DLG2: variants seen among roughly 807,000 people sequenced by gnomAD.
The protein encoded by DLG2 is disks large homolog 2.
Under a neutral mutation model 132.5 loss-of-function variants are expected in DLG2, and 45 were observed. The observed-to-expected ratio is 0.34, with a 90% CI of 0.27 to 0.44. The LOEUF is 0.44. Ranked by LOEUF, DLG2 falls within the 20% of genes least tolerant of loss-of-function variation. The pLI is 1.00. For missense variants in DLG2, 1,045 were observed against 1,196.9 expected, an observed-to-expected ratio of 0.87 and a Z score of 1.87; for synonymous variants, 424 against 419.6, an observed-to-expected ratio of 1.01 and a Z score of -0.13.
rs1051167626 is a variant in DLG2 at position 85,560,596 on chromosome 11, G to C, written c.40+38061C>G. 5.9e-5 allele frequency among the ~76,000 whole-genome samples: 9 copies of C among 151,972 alleles called. No individual in the cohort carries two copies. The East Asian group carries it at 1.5e-3, about 26-fold the overall frequency. ...GGGCTGGAAGTGAGGATCTTTTTAT[G>C]ATGATGGGAATGCTCTAAAACCAGA... On this transcript the variant is annotated intron_variant, in intron 3 of 27. Transcript: ENST00000376104.
At chr11:85,419,899 T>A (rs573476446) in intron 3 of DLG2, among the ~76,000 whole-genome samples, 3 of 152,274 alleles carry the variant, frequency 2.0e-5, no homozygotes, top group African/African-American at 7.2e-5. Flanking sequence ...CTAGGAGGAG[T>A]TTGTTATTAC....
In DLG2 at chr11:83,497,534, C is replaced by CA. The variant is rs201552213; in HGVS notation, c.2194-13307dup. 1.9e-3 allele frequency among the ~76,000 whole-genome samples: 157 copies of CA among 84,238 alleles called. 2 individuals are homozygous for CA. Among genetic ancestry groups the CA allele is most frequent in the South Asian group, 0.016 (43 of 2,632 alleles). 55.3% of individuals were successfully genotyped at this position (84,238 alleles called of 152,430 possible). On this transcript the variant is annotated intron_variant, in intron 21 of 27. Coordinates refer to ENST00000376104, the MANE Select transcript of DLG2 (RefSeq NM_001142699.3). The stretch of plus-strand genomic sequence containing the variant: ...TGGGCAACACAGAGAGACTTCGTCT[C>CA]AAAAACAAAAAACAAAAAACAAAAA...
chr11:85,197,795 C>T (rs747373204), intron 4 of DLG2, among the ~76,000 whole-genome samples: 3 of 152,128 alleles, frequency 2.0e-5, no homozygotes, highest in Non-Finnish European at 4.4e-5. Context: ...ATAAAGGATA[C>T]ATCCCTGGAC....
intron 15 of DLG2, among the ~76,000 whole-genome samples, chr11:83,881,796 T>C (rs1283642081): frequency 6.6e-6 from 1 of 152,240 alleles, no homozygotes; most frequent in Non-Finnish European, 1.5e-5. Flanking sequence ...TTCTTAAATC[T>C]GTTTATTCTT....
chr11:85,417,840 T>G (rs2089991858), intron 3 of DLG2, among the ~76,000 whole-genome samples: 1 of 152,192 alleles, frequency 6.6e-6, no homozygotes, highest in Admixed American at 6.5e-5. Context: ...CTTTTCTTCT[T>G]TATTAGTCTG....
chr11:85,141,062 C>A (rs1366762434), intron 5 of DLG2, among the ~76,000 whole-genome samples: 1 of 151,658 alleles, frequency 6.6e-6, no homozygotes, highest in Non-Finnish European at 1.5e-5. Flanking sequence ...ATGCTGATTT[C>A]TTTTCTTCTG....
At chr11:83,884,205 C>G (rs987536415) in intron 15 of DLG2, among the ~76,000 whole-genome samples, 1 of 152,178 alleles carries the variant, frequency 6.6e-6, no homozygotes, top group African/African-American at 2.4e-5. Context: ...AAAGGGGTGA[C>G]AGATGGCACC....
chr11:83,466,055 A>G (rs1565329125), intron 26 of DLG2, among the ~76,000 whole-genome samples: 3 of 152,234 alleles, frequency 2.0e-5, no homozygotes, highest in Non-Finnish European at 4.4e-5. Context: ...GGAAAAAAAA[A>G]GAAAAAACCC....
At position 83,467,771 on chromosome 11, in the gene DLG2, G is replaced by GTATATATATATA. The variant is rs1192401405; in HGVS notation, c.2620-966_2620-955dup. 9.2e-4 allele frequency among the ~76,000 whole-genome samples: 78 copies of GTATATATATATA among 85,008 alleles called. 1 individual carries two copies. The highest frequency in any genetic ancestry group is 2.3e-3 in the East Asian group (6 of 2,590). The allele number at this position is 85,008 out of a possible 152,430, so 55.8% of individuals were successfully genotyped here. A position where few individuals can be genotyped will look rare whatever the true frequency, so the allele number is the denominator to read the frequency against. On this transcript the variant is annotated intron_variant, in intron 25 of 27. Transcript: ENST00000376104. ...ATCTCAAAAAAAATAAAAACTATAT[G>GTATATATATATA]TATATATATATATATATATATATAT...
intron 6 of DLG2, among the ~76,000 whole-genome samples, chr11:84,895,229 TA>T (rs1228149011): frequency 6.6e-6 from 1 of 151,982 alleles, no homozygotes; most frequent in Non-Finnish European, 1.5e-5. Flanking sequence ...AATAAGGTTG[TA>T]AAAAATAAAT....
At chr11:84,440,285 G>A (rs1209438818) in intron 7 of DLG2, among the ~76,000 whole-genome samples, 1 of 152,178 alleles carries the variant, frequency 6.6e-6, no homozygotes, top group Non-Finnish European at 1.5e-5. Flanking sequence ...TTCATGTTAT[G>A]CAAATGCTCA....
chr11:83,712,854 G>C (rs186001074), intron 18 of DLG2, among the ~76,000 whole-genome samples: 1 of 152,016 alleles, frequency 6.6e-6, no homozygotes, highest in South Asian at 2.1e-4. Flanking sequence ...ATAGCTAATG[G>C]ATGCTAGGCT....
intron 4 of DLG2, among the ~76,000 whole-genome samples, chr11:85,171,530 G>T (rs1370055975): frequency 6.6e-6 from 1 of 152,168 alleles, no homozygotes; most frequent in Admixed American, 6.5e-5. Flanking sequence ...GTATAATCTG[G>T]CCCTGGGAAT....
chr11:83,981,352 C>CA (rs1284337016), intron 11 of DLG2, among the ~76,000 whole-genome samples: 3 of 151,454 alleles, frequency 2.0e-5, no homozygotes, highest in Non-Finnish European at 4.4e-5. Flanking sequence ...TGAATTATTC[C>CA]AGTATACAGT....
intron 18 of DLG2, among the ~76,000 whole-genome samples, chr11:83,719,935 A>G (rs1054444061): frequency 2.0e-5 from 3 of 152,186 alleles, no homozygotes; most frequent in African/African-American, 4.8e-5. Flanking sequence ...GTGAATCTGT[A>G]TATTACATGC....
intron 7 of DLG2, among the ~76,000 whole-genome samples, chr11:84,360,583 A>G (rs1227480921): frequency 6.6e-6 from 1 of 151,976 alleles, no homozygotes; most frequent in Non-Finnish European, 1.5e-5. Flanking sequence ...CAGGAAAGAG[A>G]AAGAAATACG....
chr11:85,199,942 C>CTT (rs749722409), intron 4 of DLG2, among the ~76,000 whole-genome samples: 2,171 of 140,960 alleles, frequency 0.015, 51 homozygotes, highest in African/African-American at 0.05. Context: ...CCAGGAATTA[C>CTT]TTTTTTTTTT....
At chr11:85,394,132 C>T (rs951769327) in intron 3 of DLG2, among the ~76,000 whole-genome samples, 1 of 152,166 alleles carries the variant, frequency 6.6e-6, no homozygotes, top group Non-Finnish European at 1.5e-5. Context: ...CCCTTAACTT[C>T]TGTTCCTTTT....
At chr11:85,057,877 A>G (rs2063625586) in intron 6 of DLG2, among the ~76,000 whole-genome samples, 1 of 151,632 alleles carries the variant, frequency 6.6e-6, no homozygotes, top group Admixed American at 6.6e-5. Context: ...GATACAGAAA[A>G]TATACTTTAT....
Sources: gnomAD v4.1 joint callset for allele counts (sites outside exome capture counted in the v4.1 genomes callset) on GRCh38, gnomAD v4.1.1 for gene constraint, MANE v1.5 for transcripts, NCBI Gene and HGNC (gene_info 2026-07-23, HGNC 2026-07-21) for gene names.